The following DCUN1D4 variants were observed in gnomAD, a reference collection of about 807,000 sequenced individuals.
The protein encoded by DCUN1D4 is DCN1-like protein 4.
Under a neutral mutation model 47.9 loss-of-function variants are expected in DCUN1D4, and 22 were observed. That is an observed-to-expected ratio of 0.46 (90% CI 0.33 to 0.66). The LOEUF is 0.66. Among genes scored for constraint, DCUN1D4 ranks in the 30% least tolerant of loss-of-function variants. The pLI, the probability that DCUN1D4 is intolerant of heterozygous loss-of-function variation, is 0.02. For synonymous variants in DCUN1D4, 121 were observed against 112.2 expected (o/e 1.08, Z -0.50); for missense variants, 301 against 340.8 (o/e 0.88, Z 0.92).
chr4:51,856,863 C>G (rs1384429208), intron 1 of DCUN1D4, among the ~76,000 whole-genome samples: 1 of 152,070 alleles, frequency 6.6e-6, no homozygotes. Flanking sequence ...GAAACACTTG[C>G]AGAAGATTCC....
intron 7 of DCUN1D4, among the ~76,000 whole-genome samples, chr4:51,895,184 T>G (rs777142042): frequency 3.3e-5 from 5 of 151,744 alleles, no homozygotes; most frequent in Non-Finnish European, 7.4e-5. Context: ...CTTCATTATA[T>G]TTGGTTAAAA....
Position 51,863,715 on chromosome 4 carries a change from T to G in DCUN1D4, c.136+6T>G. On this transcript the variant is annotated splice_donor_region_variant and intron_variant, in intron 3 of 10. Transcript: ENST00000334635. Reference sequence around the variant, plus strand: ...CCAAGACGATCACCAAACAGGTATCTGTAAATGCTAACACTACTTAATTTT... The same window carrying G: ...CCAAGACGATCACCAAACAGGTATCGGTAAATGCTAACACTACTTAATTTT... 1.9e-6 allele frequency: 3 copies of G among 1,612,170 alleles called. No homozygotes were observed. The highest frequency in any genetic ancestry group is 2.5e-6 in the Non-Finnish European group (3 of 1,179,224).
At chr4:51,898,425 T>C (rs1731596830) in intron 7 of DCUN1D4, among the ~76,000 whole-genome samples, 1 of 152,184 alleles carries the variant, frequency 6.6e-6, no homozygotes, top group South Asian at 2.1e-4. Flanking sequence ...TTTGTGGGGA[T>C]ACTGAGGCAG....
chr4:51,881,292 C>CCTGACTGTAGGCCCTTAGT (rs1195186216), intron 5 of DCUN1D4, among the ~76,000 whole-genome samples: 3 of 152,200 alleles, frequency 2.0e-5, no homozygotes, highest in Non-Finnish European at 4.4e-5. Flanking sequence ...TTCTACAAGT[C>CCTGACTGTAGGCCCTTAGT]CTGACTGTAG....
chr4:51,897,357 TA>T (rs1419158269), intron 7 of DCUN1D4, among the ~76,000 whole-genome samples: 1 of 152,228 alleles, frequency 6.6e-6, no homozygotes, highest in Non-Finnish European at 1.5e-5. Flanking sequence ...GGCTTGTTTT[TA>T]AAAATAGATT....
chr4:51,849,038 A>G (rs1722971068), intron 1 of DCUN1D4, among the ~76,000 whole-genome samples: 2 of 152,052 alleles, frequency 1.3e-5, no homozygotes. Flanking sequence ...CCCCTGCCCC[A>G]CGACCACAAT....
At chr4:51,869,869 G>T (rs1726598627) in intron 3 of DCUN1D4, among the ~76,000 whole-genome samples, 1 of 152,142 alleles carries the variant, frequency 6.6e-6, no homozygotes. Flanking sequence ...ATCAGATGGG[G>T]TCAGTTAAAA....
At chr4:51,847,183 A>G (rs1482023433) in intron 1 of DCUN1D4, among the ~76,000 whole-genome samples, 1 of 152,178 alleles carries the variant, frequency 6.6e-6, no homozygotes, top group African/African-American at 2.4e-5. Context: ...TGAACCAGCT[A>G]CTTTGGCCAG....
rs146726741 is a variant in DCUN1D4, at chr4:51,902,992, A to G, written c.615+3614A>G. The stretch of plus-strand genomic sequence containing the variant: ...CTGTGTACTTTCATTTTGCCCTCTC[A>G]TATTTTATGCTGTTTTTGTCATTTA... On this transcript the variant is annotated intron_variant, in intron 8 of 10. Transcript: ENST00000334635. 9.6e-3 allele frequency among the ~76,000 whole-genome samples: 1,468 copies of G among 152,188 alleles called. 12 individuals are homozygous for G. The highest frequency in any genetic ancestry group is 0.015 in the Non-Finnish European group (999 of 67,980).
chr4:51,841,685 G>A (rs189038332), upstream of DCUN1D4, among the ~76,000 whole-genome samples: 57 of 152,154 alleles, frequency 3.7e-4, no homozygotes, highest in Middle Eastern at 3.4e-3. Flanking sequence ...AAGATGGAGG[G>A]AGCATTTTAC....
At chr4:51,845,028 C>T in intron 1 of DCUN1D4, 1 of 985,510 alleles carries the variant, frequency 1.0e-6, no homozygotes, top group Non-Finnish European at 1.2e-6. Flanking sequence ...CGCTTAGGTT[C>T]TTGGTCCCCA....
At chr4:51,868,812 G>A (rs1245045245) in intron 3 of DCUN1D4, among the ~76,000 whole-genome samples, 1 of 152,170 alleles carries the variant, frequency 6.6e-6, no homozygotes, top group African/African-American at 2.4e-5. Context: ...GCACAAAATA[G>A]GAGTGAATTT....
chr4:51,881,484 A>G (rs564700589), intron 5 of DCUN1D4, among the ~76,000 whole-genome samples: 1 of 152,148 alleles, frequency 6.6e-6, no homozygotes, highest in Non-Finnish European at 1.5e-5. Flanking sequence ...TGCTATAATT[A>G]TGGGGCCATT....
intron 3 of DCUN1D4, among the ~76,000 whole-genome samples, chr4:51,869,227 G>T (rs1015721427): frequency 1.3e-5 from 2 of 150,904 alleles, no homozygotes; most frequent in African/African-American, 4.9e-5. Context: ...AGTATTTAGA[G>T]AGAGGAAAAA....
chr4:51,887,020 A>G (rs990516200), intron 6 of DCUN1D4: 5 of 447,826 alleles, frequency 1.1e-5, no homozygotes, highest in Non-Finnish European at 2.2e-5. Context: ...ACTTATAATT[A>G]TTCATCATGA....
intron 1 of DCUN1D4, among the ~76,000 whole-genome samples, chr4:51,852,467 A>T (rs923285991): frequency 4.6e-5 from 7 of 152,134 alleles, no homozygotes; most frequent in African/African-American, 1.7e-4. Context: ...TACATATGCA[A>T]TTCCCAAAAT....
At chr4:51,839,400 T>C (rs1721576212), upstream of DCUN1D4, among the ~76,000 whole-genome samples, 1 of 152,134 alleles carries the variant, frequency 6.6e-6, no homozygotes, top group Admixed American at 6.5e-5. Flanking sequence ...GGGATACTAT[T>C]AGTTATTAGT....
At chr4:51,903,425 C>G (rs891215104) in intron 8 of DCUN1D4, among the ~76,000 whole-genome samples, 2 of 152,070 alleles carry the variant, frequency 1.3e-5, no homozygotes, top group African/African-American at 4.8e-5. Context: ...ACTTTTTATT[C>G]TCTTTCCATT....
intron 7 of DCUN1D4, among the ~76,000 whole-genome samples, chr4:51,893,818 C>T (rs537927904): frequency 2.6e-5 from 4 of 152,160 alleles, no homozygotes; most frequent in Middle Eastern, 3.2e-3. Context: ...AGCCTTCAGA[C>T]GAGGCACCAT....
Sources: allele counts gnomAD v4.1 joint callset (sites outside exome capture counted in the v4.1 genomes callset), GRCh38; gene constraint gnomAD v4.1.1; transcripts MANE v1.5; gene names NCBI Gene and HGNC (gene_info 2026-07-23, HGNC 2026-07-21).